The following HHAT variants were observed in gnomAD, a reference collection of about 807,000 sequenced individuals.
HHAT encodes the protein hedgehog acyltransferase, also known as protein-cysteine N-palmitoyltransferase HHAT.
In HHAT, 47 loss-of-function variants were observed where a neutral mutation model predicts 70.8. The ratio of observed to expected loss-of-function variants is 0.66; its 90% CI spans 0.53 to 0.85. The LOEUF (loss-of-function observed/expected upper bound fraction) is 0.85, where lower values mean the gene tolerates loss of function less well. Ranked by LOEUF, HHAT falls within the 40% of genes least tolerant of loss-of-function variation. The probability of loss-of-function intolerance (pLI) is 0.00; values close to 1 mark genes in which losing one functional copy is unlikely to be tolerated. For synonymous variants in HHAT, 228 were observed against 247.6 expected, an observed-to-expected ratio of 0.92 and a Z score of 0.74; for missense variants, 609 against 604.8, an observed-to-expected ratio of 1.01 and a Z score of -0.07.
At chr1:210,454,138 A>G (rs1331870999) in intron 7 of HHAT, among the ~76,000 whole-genome samples, 1 of 152,224 alleles carries the variant, frequency 6.6e-6, no homozygotes, top group Non-Finnish European at 1.5e-5. Context: ...TCCTCCTGCA[A>G]CACATGGGAA....
chr1:210,535,431 T>TTGTGTGTGTGTG (rs144319730), intron 9 of HHAT, among the ~76,000 whole-genome samples: 1 of 149,764 alleles, frequency 6.7e-6, no homozygotes, highest in Non-Finnish European at 1.5e-5. Flanking sequence ...CATTGTGTGT[T>TTGTGTGTGTGTG]TGTGTGTGTG....
At chr1:210,616,663 G>A (rs1232715649) in intron 10 of HHAT, among the ~76,000 whole-genome samples, 1 of 152,186 alleles carries the variant, frequency 6.6e-6, no homozygotes, top group East Asian at 1.9e-4. Flanking sequence ...TTGAGAGAAG[G>A]GAATCCGCAC....
At chr1:210,575,598 G>A (rs2148749561) in intron 9 of HHAT, among the ~76,000 whole-genome samples, 1 of 152,274 alleles carries the variant, frequency 6.6e-6, no homozygotes, top group African/African-American at 2.4e-5. Flanking sequence ...CCTTTCTGGT[G>A]TACACCTCCC....
intron 7 of HHAT, among the ~76,000 whole-genome samples, chr1:210,436,612 G>T (rs142318619): frequency 5.3e-5 from 8 of 151,824 alleles, no homozygotes; most frequent in African/African-American, 1.9e-4. Flanking sequence ...TACTTCTGCT[G>T]TTGGGGTTCT....
At chr1:210,573,460 T>C (rs943178961) in intron 9 of HHAT, among the ~76,000 whole-genome samples, 3 of 152,196 alleles carry the variant, frequency 2.0e-5, no homozygotes, top group Non-Finnish European at 4.4e-5. Flanking sequence ...CCAACTCTCG[T>C]TGGCCTCCTG....
At chr1:210,636,759 A>C (rs1459165756) in intron 11 of HHAT, among the ~76,000 whole-genome samples, 2 of 152,024 alleles carry the variant, frequency 1.3e-5, no homozygotes, top group Non-Finnish European at 1.5e-5. Flanking sequence ...TGAGTCAAAC[A>C]TCCCAATTGA....
At chr1:210,343,833 C>A (rs1197374924) in intron 1 of HHAT, among the ~76,000 whole-genome samples, 1 of 152,170 alleles carries the variant, frequency 6.6e-6, no homozygotes, top group East Asian at 1.9e-4. Flanking sequence ...AGCCAGATTT[C>A]TTTGATTCAG....
intron 11 of HHAT, among the ~76,000 whole-genome samples, chr1:210,646,217 G>A (rs4468233): frequency 0.026 from 4,002 of 152,174 alleles, 69 homozygotes; most frequent in African/African-American, 0.037. Flanking sequence ...AATATGTTTG[G>A]TTTTTGTTAC....
intron 1 of HHAT, among the ~76,000 whole-genome samples, chr1:210,343,180 G>A (rs1031019572): frequency 1.3e-5 from 2 of 152,054 alleles, no homozygotes; most frequent in Non-Finnish European, 2.9e-5. Context: ...AAGCCTGTTA[G>A]CAATAACGTG....
chr1:210,394,544 G>A (rs564188989), intron 4 of HHAT, among the ~76,000 whole-genome samples: 1 of 152,264 alleles, frequency 6.6e-6, no homozygotes, highest in South Asian at 2.1e-4. Context: ...AAATACCCCC[G>A]TGTGAACTTT....
rs528680656 is a variant in HHAT at position 210,390,321 on chromosome 1, C to A, written c.273+2740C>A. On this transcript the variant is annotated intron_variant, in intron 4 of 11. Transcript: ENST00000261458. ...AATATTAAACCCCCTCTCCCTCTGA[C>A]AAACTACTGGTGCAGTTTTATTAAT... is the stretch of plus-strand genomic sequence containing the variant. Among the ~76,000 whole-genome samples the A allele has an allele frequency of 3.9e-5, 6 of 152,264 alleles. No individual in the cohort carries two copies. The East Asian group carries it at 1.2e-3, about 29-fold the overall frequency.
At chr1:210,368,191 T>G (rs1282952443) in intron 3 of HHAT, among the ~76,000 whole-genome samples, 2 of 152,140 alleles carry the variant, frequency 1.3e-5, no homozygotes, top group Non-Finnish European at 2.9e-5. Flanking sequence ...TTCCTTTTAT[T>G]TAGGATTCAA....
intron 10 of HHAT, among the ~76,000 whole-genome samples, chr1:210,622,850 CTA>C (rs1669114169): frequency 6.6e-6 from 1 of 152,158 alleles, no homozygotes; most frequent in Admixed American, 6.5e-5. Context: ...TTCCATGGAG[CTA>C]TATATACTAG....
At chr1:210,512,686 A>AC (rs2148582436) in intron 8 of HHAT, among the ~76,000 whole-genome samples, 1 of 151,934 alleles carries the variant, frequency 6.6e-6, no homozygotes, top group East Asian at 1.9e-4. Flanking sequence ...AAAAAAAAAA[A>AC]AAAACCCATA....
At chr1:210,446,415 C>T (rs778813987) in intron 7 of HHAT, among the ~76,000 whole-genome samples, 2 of 152,172 alleles carry the variant, frequency 1.3e-5, no homozygotes, top group East Asian at 1.9e-4. Context: ...AATAATGGGA[C>T]GATCAGGACT....
At chr1:210,367,466 A>G (rs931555349) in intron 3 of HHAT, among the ~76,000 whole-genome samples, 3 of 152,178 alleles carry the variant, frequency 2.0e-5, no homozygotes, top group Non-Finnish European at 4.4e-5. Flanking sequence ...TTCTGGGCAC[A>G]AAAAATCACA....
intron 11 of HHAT, among the ~76,000 whole-genome samples, chr1:210,671,599 C>G (rs747025304): frequency 6.6e-6 from 1 of 152,104 alleles, no homozygotes; most frequent in Admixed American, 6.5e-5. Flanking sequence ...CTTGAGAGGA[C>G]AGAGGGAAGA....
chr1:210,381,725 A>T (rs552091983), intron 3 of HHAT, among the ~76,000 whole-genome samples: 26 of 152,340 alleles, frequency 1.7e-4, no homozygotes, highest in Admixed American at 1.4e-3. Context: ...TCACTAGGAG[A>T]TAAACAGTGG....
chr1:210,531,557 T>C (rs77976051), intron 9 of HHAT, among the ~76,000 whole-genome samples: 4,385 of 152,336 alleles, frequency 0.029, 230 homozygotes, highest in African/African-American at 0.1. Flanking sequence ...ATCCCTACTC[T>C]ACTGCATACT....
Sources: allele counts gnomAD v4.1 joint callset (sites outside exome capture counted in the v4.1 genomes callset), GRCh38; gene constraint gnomAD v4.1.1; transcripts MANE v1.5; gene names NCBI Gene and HGNC (gene_info 2026-07-23, HGNC 2026-07-21).